PLPP4: variants seen among roughly 807,000 people sequenced by gnomAD.
PLPP4 encodes diacylglycerol pyrophosphate like 2.
A neutral mutation model predicts 32.2 loss-of-function variants in PLPP4; 20 were observed. That is an observed-to-expected ratio of 0.62 (90% CI 0.44 to 0.90). The LOEUF (loss-of-function observed/expected upper bound fraction) is 0.90, where lower values mean the gene tolerates loss of function less well. Ranked by LOEUF, PLPP4 falls within the 40% of genes least tolerant of loss-of-function variation. The pLI, the probability that PLPP4 is intolerant of heterozygous loss-of-function variation, is 0.00. For missense variants in PLPP4, 257 were observed against 353.1 expected, an observed-to-expected ratio of 0.73 and a Z score of 2.18; for synonymous variants, 127 against 133.0, an observed-to-expected ratio of 0.95 and a Z score of 0.31.
At chr10:120,538,042 C>CTG (rs1309162272) in intron 5 of PLPP4, among the ~76,000 whole-genome samples, 17 of 39,450 alleles carry the variant, frequency 4.3e-4, no homozygotes, top group East Asian at 7.7e-4. Context: ...CTCTCTCTCT[C>CTG]TCTCTCTCTC....
At chr10:120,519,617 C>G (rs1846070675) in intron 4 of PLPP4, among the ~76,000 whole-genome samples, 2 of 152,050 alleles carry the variant, frequency 1.3e-5, no homozygotes, top group South Asian at 2.1e-4. Context: ...CAGGCCTCAC[C>G]CCTCTGAGGT....
chr10:120,541,808 A>G (rs542579964), intron 5 of PLPP4, among the ~76,000 whole-genome samples: 40 of 149,754 alleles, frequency 2.7e-4, no homozygotes, highest in Non-Finnish European at 5.5e-4. Context: ...GGAGTCTCGC[A>G]CTGTTGCTGG....
At chr10:120,525,166 A>G (rs1023814024) in intron 5 of PLPP4, among the ~76,000 whole-genome samples, 4 of 152,156 alleles carry the variant, frequency 2.6e-5, no homozygotes, top group African/African-American at 9.7e-5. Context: ...TACAATGGCC[A>G]TGTTGAGGAG....
intron 5 of PLPP4, among the ~76,000 whole-genome samples, chr10:120,553,386 C>G (rs934520428): frequency 6.6e-6 from 1 of 152,184 alleles, no homozygotes; most frequent in Non-Finnish European, 1.5e-5. Flanking sequence ...CCAGAAAGCT[C>G]TCTTGCCCCT....
chr10:120,590,468 G>A lies in PLPP4; in HGVS notation c.*966G>A, dbSNP rs1849961092. On this transcript the variant is annotated 3_prime_UTR_variant, in exon 7 of 7. Transcript: ENST00000398250. ...CTCTAAGGATTCTCCAAGTGGTGGT[G>A]TGTTCCTGTTCCTATCTAGCTGGCA... is the stretch of plus-strand genomic sequence containing the variant. 6.6e-6 allele frequency among the ~76,000 whole-genome samples: 1 copy of A among 152,214 alleles called. No homozygotes were observed. The highest frequency in any genetic ancestry group is 1.5e-5 in the Non-Finnish European group (1 of 68,044).
chr10:120,546,611 C>T (rs1847634563), intron 5 of PLPP4, among the ~76,000 whole-genome samples: 1 of 152,172 alleles, frequency 6.6e-6, no homozygotes, highest in Admixed American at 6.5e-5. Flanking sequence ...CCTCACAGTC[C>T]TTGCCCTGGT....
chr10:120,543,780 G>T (rs78536674), intron 5 of PLPP4, among the ~76,000 whole-genome samples: 15 of 151,926 alleles, frequency 9.9e-5, no homozygotes, highest in Non-Finnish European at 2.1e-4. Flanking sequence ...ATTCCCCTTC[G>T]CCAAGCCCCT....
intron 5 of PLPP4, among the ~76,000 whole-genome samples, chr10:120,543,217 C>T (rs1293987785): frequency 6.6e-6 from 1 of 152,190 alleles, no homozygotes; most frequent in Non-Finnish European, 1.5e-5. Context: ...GGACTAGAGT[C>T]AGTGTCTTTA....
At chr10:120,582,481 A>G (rs966406564) in intron 6 of PLPP4, among the ~76,000 whole-genome samples, 9 of 152,112 alleles carry the variant, frequency 5.9e-5, no homozygotes, top group African/African-American at 2.2e-4. Context: ...TGATTATCAT[A>G]TTTTAACTTG....
rs150865909 is a variant in PLPP4 at position 120,534,403 on chromosome 10, TG to T, written c.445+13309del. Among the ~76,000 whole-genome samples, 539 of 152,270 alleles carry T rather than the reference TG, an allele frequency of 3.5e-3. 3 individuals carry two copies. Among genetic ancestry groups the T allele is most frequent in the African/African-American group, 0.012 (502 of 41,576 alleles). On this transcript the variant is annotated intron_variant, in intron 5 of 6. Transcript: ENST00000398250. ...TCTTTGGCATTCCTCATTTTTATTG[TG>T]ACTTATCTGTATGTGGATCTTTTTG...
At chr10:120,566,505 G>A (rs1040299830) in intron 5 of PLPP4, among the ~76,000 whole-genome samples, 5 of 151,214 alleles carry the variant, frequency 3.3e-5, no homozygotes, top group South Asian at 2.1e-4. Context: ...TGTCCTTGCC[G>A]TTTCCTTCTG....
In PLPP4 at chr10:120,553,933, AT is replaced by A. The variant is rs576510366; in HGVS notation, c.446-21194del. On this transcript the variant is annotated intron_variant, in intron 5 of 6. Transcript: ENST00000398250. ...AAGGTCTCTAAAATGCCTTTGAGGCATTTTCCCCAAAGTCTTGGCTATTAAC... is the reference window on the plus strand; with the variant it reads ...AAGGTCTCTAAAATGCCTTTGAGGCATTTCCCCAAAGTCTTGGCTATTAAC... Among the ~76,000 whole-genome samples, 10 of 152,288 alleles carry A rather than the reference AT, an allele frequency of 6.6e-5. 1 individual carries two copies. In the East Asian group the frequency reaches 1.9e-3, roughly 29 times the overall value.
rs145807946 is a variant in PLPP4 at position 120,569,830 on chromosome 10, T to C, written c.446-5301T>C. On this transcript the variant is annotated intron_variant, in intron 5 of 6. Coordinates refer to ENST00000398250, the MANE Select transcript of PLPP4 (RefSeq NM_001030059.3). ...TCGGGTGCCTCCTATTGTCAGGCAG[T>C]GTGTTCGGTCCTAGAGCTTCAACAG... 1.8e-4 allele frequency among the ~76,000 whole-genome samples: 28 copies of C among 152,306 alleles called. No homozygotes were observed. In the East Asian group the frequency reaches 5.2e-3, roughly 28 times the overall value.
chr10:120,499,654 C>T (rs1845147203), intron 1 of PLPP4, among the ~76,000 whole-genome samples: 1 of 152,116 alleles, frequency 6.6e-6, no homozygotes, highest in Non-Finnish European at 1.5e-5. Context: ...CGTGGGCCCC[C>T]CAGGAAGCTT....
chr10:120,485,000 C>T (rs1041060501), intron 1 of PLPP4, among the ~76,000 whole-genome samples: 1 of 152,116 alleles, frequency 6.6e-6, no homozygotes, highest in Non-Finnish European at 1.5e-5. Context: ...GATGAAGGGA[C>T]CACAAAGCAA....
intron 1 of PLPP4, among the ~76,000 whole-genome samples, chr10:120,478,969 G>A (rs1051455247): frequency 6.6e-6 from 1 of 152,234 alleles, no homozygotes; most frequent in Non-Finnish European, 1.5e-5. Context: ...GCTCACGCCT[G>A]TAATCCCAGC....
At chr10:120,569,462 G>A (rs1848834153) in intron 5 of PLPP4, among the ~76,000 whole-genome samples, 1 of 152,144 alleles carries the variant, frequency 6.6e-6, no homozygotes, top group South Asian at 2.1e-4. Flanking sequence ...GCAACATGAG[G>A]TAAGAAAAGG....
At chr10:120,582,994 GA>G (rs1488162874) in intron 6 of PLPP4, among the ~76,000 whole-genome samples, 1 of 151,914 alleles carries the variant, frequency 6.6e-6, no homozygotes, top group Non-Finnish European at 1.5e-5. Flanking sequence ...ACAGAAACAT[GA>G]AGCTTCACAA....
At chr10:120,512,674 G>A (rs992608301) in intron 2 of PLPP4, among the ~76,000 whole-genome samples, 3 of 152,120 alleles carry the variant, frequency 2.0e-5, no homozygotes, top group East Asian at 1.9e-4. Flanking sequence ...TTAGCTGGGC[G>A]TGGTGGTGTG....
Sources: gnomAD v4.1 joint callset for allele counts (sites outside exome capture counted in the v4.1 genomes callset) on GRCh38, gnomAD v4.1.1 for gene constraint, MANE v1.5 for transcripts, NCBI Gene and HGNC (gene_info 2026-07-23, HGNC 2026-07-21) for gene names.